Variants in CSMD1 observed in about 807,000 individuals in gnomAD.
CSMD1 encodes CUB and sushi domain-containing protein 1.
In CSMD1, 213 loss-of-function variants were observed where a neutral mutation model predicts 417.5. That is an observed-to-expected ratio of 0.51 (90% CI 0.46 to 0.57). CSMD1 has a LOEUF of 0.57. Ranked by LOEUF, CSMD1 falls within the 20% of genes least tolerant of loss-of-function variation. The pLI is 0.00. For synonymous variants in CSMD1, 2,862 were observed against 1,736.8 expected (o/e 1.65, Z -16.11); for missense variants, 6,923 against 4,529.7 (o/e 1.53, Z -15.17).
At chr8:4,953,524 G>C (rs1225614068) in intron 1 of CSMD1, among the ~76,000 whole-genome samples, 1 of 152,044 alleles carries the variant, frequency 6.6e-6, no homozygotes, top group Non-Finnish European at 1.5e-5. Flanking sequence ...TATGTAACTT[G>C]AACTGTGCCC....
intron 2 of CSMD1, among the ~76,000 whole-genome samples, chr8:4,530,472 G>T (rs1418949765): frequency 2.0e-5 from 3 of 151,330 alleles, no homozygotes; most frequent in African/African-American, 7.3e-5. Context: ...TTAGGTATTT[G>T]TCCTAACACT....
At chr8:3,621,140 C>G (rs866405952) in intron 7 of CSMD1, among the ~76,000 whole-genome samples, 39 of 152,186 alleles carry the variant, frequency 2.6e-4, no homozygotes, top group African/African-American at 8.2e-4. Flanking sequence ...CTGCCCAAAC[C>G]TTGATCTCAG....
chr8:4,256,837 T>G (rs1202668121), intron 3 of CSMD1, among the ~76,000 whole-genome samples: 2 of 152,162 alleles, frequency 1.3e-5, no homozygotes, highest in Non-Finnish European at 2.9e-5. Context: ...AAAGAACAGC[T>G]ATCCCTCCAA....
intron 63 of CSMD1, 34 bp from the exon 64 acceptor site, chr8:2,955,802 T>C: frequency 2.5e-6 from 4 of 1,600,552 alleles, no homozygotes; most frequent in Non-Finnish European, 3.4e-6. Flanking sequence ...GAGACTTTGT[T>C]TATTGTAAAG....
intron 1 of CSMD1, among the ~76,000 whole-genome samples, chr8:4,790,161 G>C (rs1197240309): frequency 6.6e-6 from 1 of 152,214 alleles, no homozygotes; most frequent in East Asian, 1.9e-4. Flanking sequence ...AATACATACA[G>C]TTCAACATAA....
intron 1 of CSMD1, among the ~76,000 whole-genome samples, chr8:4,817,693 C>A (rs1247393317): frequency 1.3e-5 from 2 of 152,208 alleles, no homozygotes; most frequent in Non-Finnish European, 2.9e-5. Flanking sequence ...AATGCTATCA[C>A]AATCAATACT....
At chr8:3,960,343 G>T (rs144652501) in intron 5 of CSMD1, among the ~76,000 whole-genome samples, 1 of 152,036 alleles carries the variant, frequency 6.6e-6, no homozygotes, top group Non-Finnish European at 1.5e-5. Flanking sequence ...AAATGTAATT[G>T]ACACCCTTTC....
At chr8:3,417,973 C>G (rs73657878) in intron 12 of CSMD1, among the ~76,000 whole-genome samples, 2,843 of 152,260 alleles carry the variant, frequency 0.019, 55 homozygotes, top group East Asian at 0.096. Flanking sequence ...TGTCCGTCAC[C>G]ATCAGTGACA....
At chr8:4,569,754 G>C (rs548371066) in intron 2 of CSMD1, among the ~76,000 whole-genome samples, 1 of 152,184 alleles carries the variant, frequency 6.6e-6, no homozygotes, top group East Asian at 1.9e-4. Context: ...TCACAATATT[G>C]ATTCTTTCTA....
Position 3,511,025 on chromosome 8 carries a change from A to G in CSMD1, c.1345-17299T>C, listed in dbSNP as rs564500304. ...ACCAAACAAAGAAAACGTGGCACTT[A>G]TACACCATGGAATACTATGCAGCAA... On this transcript the variant is annotated intron_variant, in intron 10 of 69. Coordinates refer to ENST00000635120, the MANE Select transcript of CSMD1 (RefSeq NM_033225.6). Among the ~76,000 whole-genome samples, 19 of 151,994 alleles carry G rather than the reference A, an allele frequency of 1.3e-4. 1 individual carries two copies. The East Asian group carries it at 3.5e-3, about 28-fold the overall frequency.
chr8:3,877,334 A>C (rs1563169016), intron 5 of CSMD1, among the ~76,000 whole-genome samples: 1 of 152,172 alleles, frequency 6.6e-6, no homozygotes, highest in African/African-American at 2.4e-5. Context: ...AGCTGTGTCC[A>C]TGATGGGGGA....
At chr8:4,324,807 A>T (rs1335908300) in intron 3 of CSMD1, among the ~76,000 whole-genome samples, 7 of 152,188 alleles carry the variant, frequency 4.6e-5, no homozygotes, top group Non-Finnish European at 1.0e-4. Flanking sequence ...CCTGCTTCCC[A>T]TGTCTTGCTA....
At chr8:4,690,376 T>C (rs774528168) in intron 1 of CSMD1, among the ~76,000 whole-genome samples, 8 of 152,108 alleles carry the variant, frequency 5.3e-5, no homozygotes, top group African/African-American at 1.9e-4. Flanking sequence ...AATGAGTAAA[T>C]GGGGGAATGT....
intron 5 of CSMD1, among the ~76,000 whole-genome samples, chr8:3,880,398 C>G (rs900924753): frequency 6.6e-6 from 1 of 152,206 alleles, no homozygotes; most frequent in Admixed American, 6.5e-5. Context: ...TGAACTGCCT[C>G]ATGACCAAAT....
rs537724891 is a variant in CSMD1, at chr8:4,144,400, G to C, written c.416-112301C>G. On this transcript the variant is annotated intron_variant, in intron 3 of 69. Transcript: ENST00000635120. ...TTTTAGAACTTAATTTATCTTTTCTGTTTTGCCAGGAAAAATCTGAAGTGA... is the reference window on the plus strand; with the variant it reads ...TTTTAGAACTTAATTTATCTTTTCTCTTTTGCCAGGAAAAATCTGAAGTGA... 7.3e-5 allele frequency among the ~76,000 whole-genome samples: 11 copies of C among 151,134 alleles called. 2 individuals carry two copies. The highest frequency in any genetic ancestry group is 2.7e-4 in the African/African-American group (11 of 40,518).
chr8:4,958,824 C>T (rs1426889660), intron 1 of CSMD1, among the ~76,000 whole-genome samples: 1 of 152,068 alleles, frequency 6.6e-6, no homozygotes, highest in Non-Finnish European at 1.5e-5. Flanking sequence ...ATGCTTCTGA[C>T]AAGTGTCTAA....
chr8:4,737,974 T>C (rs750722378), intron 1 of CSMD1, among the ~76,000 whole-genome samples: 21 of 152,210 alleles, frequency 1.4e-4, no homozygotes, highest in Non-Finnish European at 2.2e-4. Flanking sequence ...CAGCCTGCCA[T>C]TGAAGCAAAG....
chr8:3,920,608 G>T (rs374697275), intron 5 of CSMD1, among the ~76,000 whole-genome samples: 1 of 152,040 alleles, frequency 6.6e-6, no homozygotes, highest in South Asian at 2.1e-4. Context: ...CATTAGTTAT[G>T]GGCTTGTCAT....
chr8:4,268,534 A>T (rs1366333780), intron 3 of CSMD1, among the ~76,000 whole-genome samples: 1 of 152,146 alleles, frequency 6.6e-6, no homozygotes, highest in African/African-American at 2.4e-5. Context: ...ATGATTTTTT[A>T]AATTTTATTT....
Sources: gnomAD v4.1 joint callset for allele counts (sites outside exome capture counted in the v4.1 genomes callset) on GRCh38, gnomAD v4.1.1 for gene constraint, MANE v1.5 for transcripts, NCBI Gene and HGNC (gene_info 2026-07-23, HGNC 2026-07-21) for gene names.